The following LUZP2 variants were observed in gnomAD, a reference collection of about 807,000 sequenced individuals.
LUZP2 encodes leucine zipper protein 2.
LUZP2 carries 52 observed loss-of-function variants against 51.6 expected under a neutral mutation model. The ratio of observed to expected loss-of-function variants is 1.01; its 90% confidence interval spans 0.81 to 1.27. The LOEUF is 1.27. Ranked by LOEUF, LUZP2 falls within the 50% of genes most tolerant of loss-of-function variation. The pLI, the probability that LUZP2 is intolerant of heterozygous loss-of-function variation, is 0.00. For missense variants in LUZP2, 436 were observed against 395.4 expected (o/e 1.10, Z -0.87); for synonymous variants, 154 against 137.3 (o/e 1.12, Z -0.85).
chr11:24,963,250 C>T (rs1009431232), intron 7 of LUZP2, among the ~76,000 whole-genome samples: 9 of 152,212 alleles, frequency 5.9e-5, no homozygotes, highest in Non-Finnish European at 1.2e-4. Flanking sequence ...TGCCGGTTCT[C>T]AGATCTCCAG....
rs893561935 is a variant in LUZP2 at position 25,078,863 on chromosome 11, T to G, written c.*205T>G. On this transcript the variant is annotated 3_prime_UTR_variant, in exon 12 of 12. Transcript: ENST00000336930. The stretch of plus-strand genomic sequence containing the variant: ...ACCTCATTGAATTGAATACCCACAG[T>G]CAGAAATATTTTGTTGTCAACAGTA... The G allele has an allele frequency of 6.2e-6, 3 of 484,856 alleles. No individual in the cohort carries two copies. Among genetic ancestry groups the G allele is most frequent in the African/African-American group, 2.0e-5 (1 of 49,374 alleles). 30.0% of individuals were successfully genotyped at this position (484,856 alleles called of 1,614,324 possible). A position where few individuals can be genotyped will look rare whatever the true frequency, so the allele number is the denominator to read the frequency against.
At chr11:24,566,809 T>C (rs1243861275) in intron 1 of LUZP2, among the ~76,000 whole-genome samples, 3 of 142,970 alleles carry the variant, frequency 2.1e-5, no homozygotes, top group Non-Finnish European at 3.1e-5. Flanking sequence ...TACATATTTA[T>C]ATATAACTTA....
intron 10 of LUZP2, among the ~76,000 whole-genome samples, chr11:25,063,557 A>G (rs1324226120): frequency 6.6e-6 from 1 of 151,814 alleles, no homozygotes; most frequent in African/African-American, 2.4e-5. Flanking sequence ...TATAAGAAAA[A>G]TAGTTTATCA....
Position 24,604,186 on chromosome 11 carries a change from A to G in LUZP2, c.62+106881A>G, listed in dbSNP as rs142482391. 9.2e-3 allele frequency among the ~76,000 whole-genome samples: 1,399 copies of G among 151,960 alleles called. 18 individuals are homozygous for G. Among genetic ancestry groups the G allele is most frequent in the Non-Finnish European group, 0.011 (722 of 67,784 alleles). On this transcript the variant is annotated intron_variant, in intron 1 of 11. Transcript: ENST00000336930. ...ATTTTCTGCCATATCTTAACAGTGT[A>G]GTCTGCTTTTTTACTAAAATGTGAG...
intron 1 of LUZP2, among the ~76,000 whole-genome samples, chr11:24,632,562 G>A (rs1223594708): frequency 1.3e-5 from 2 of 151,926 alleles, no homozygotes; most frequent in Non-Finnish European, 2.9e-5. Context: ...GGCAACCACA[G>A]AATTTTTCTT....
intron 7 of LUZP2, among the ~76,000 whole-genome samples, chr11:24,961,872 G>T (rs573259599): frequency 6.6e-6 from 1 of 151,570 alleles, no homozygotes; most frequent in East Asian, 1.9e-4. Context: ...GCATGATTTT[G>T]CAGTGGCTGG....
rs139691101 is a variant in LUZP2 at position 24,682,005 on chromosome 11, T to C, written c.63-47164T>C. On this transcript the variant is annotated intron_variant, in intron 1 of 11. Coordinates refer to ENST00000336930, the MANE Select transcript of LUZP2 (RefSeq NM_001009909.4). ...GAAGAGTTCTTATACTATCACAAAT[T>C]ATTTCCATTGATTTTCCTTATCTAC... is the stretch of plus-strand genomic sequence containing the variant. Among the ~76,000 whole-genome samples the C allele has an allele frequency of 1.5e-4, 23 of 152,352 alleles. No homozygotes were observed. In the East Asian group the frequency reaches 4.2e-3, roughly 28 times the overall value.
intron 1 of LUZP2, among the ~76,000 whole-genome samples, chr11:24,568,667 A>C (rs942389044): frequency 6.6e-6 from 1 of 151,966 alleles, no homozygotes; most frequent in Non-Finnish European, 1.5e-5. Flanking sequence ...GACGAAAAGT[A>C]TTACTCAAGC....
intron 1 of LUZP2, among the ~76,000 whole-genome samples, chr11:24,606,693 A>G (rs1013223022): frequency 2.0e-5 from 3 of 152,048 alleles, no homozygotes; most frequent in Non-Finnish European, 4.4e-5. Context: ...ACATCATATA[A>G]TAGTTGTATT....
intron 1 of LUZP2, among the ~76,000 whole-genome samples, chr11:24,548,647 A>C (rs1276386549): frequency 6.6e-6 from 1 of 152,028 alleles, no homozygotes; most frequent in African/African-American, 2.4e-5. Flanking sequence ...GTCAAACTCC[A>C]GTGACACACA....
intron 1 of LUZP2, among the ~76,000 whole-genome samples, chr11:24,540,278 A>T (rs972146304): frequency 6.6e-6 from 1 of 152,090 alleles, no homozygotes; most frequent in African/African-American, 2.4e-5. Flanking sequence ...AATGTTTGTT[A>T]TGTCTCTCCC....
intron 1 of LUZP2, among the ~76,000 whole-genome samples, chr11:24,637,043 A>T (rs1394809914): frequency 6.6e-6 from 1 of 151,758 alleles, no homozygotes; most frequent in Non-Finnish European, 1.5e-5. Flanking sequence ...AAAAAGGGAA[A>T]ATCTTGATGT....
chr11:24,659,101 G>T (rs1211477990), intron 1 of LUZP2, among the ~76,000 whole-genome samples: 1 of 152,134 alleles, frequency 6.6e-6, no homozygotes, highest in Non-Finnish European at 1.5e-5. Context: ...AAATCATGCT[G>T]CTATAAAGAC....
chr11:24,650,701 G>A (rs576107930), intron 1 of LUZP2, among the ~76,000 whole-genome samples: 11 of 152,072 alleles, frequency 7.2e-5, no homozygotes, highest in African/African-American at 1.2e-4. Context: ...GTGAGATTTC[G>A]ATCTAACAAA....
At chr11:24,710,198 A>G (rs1388880026) in intron 1 of LUZP2, among the ~76,000 whole-genome samples, 3 of 152,104 alleles carry the variant, frequency 2.0e-5, no homozygotes, top group Admixed American at 1.3e-4. Flanking sequence ...ATTAACATAA[A>G]TGAGAGGTGG....
rs1044577519 is a variant in LUZP2, at chr11:24,721,504, A to T, written c.63-7665A>T. ...GAATAGGTTTTTAATTCTTGATAAT[A>T]AATTAGGATATAGAAGAAAAACTAC... is the stretch of plus-strand genomic sequence containing the variant. On this transcript the variant is annotated intron_variant, in intron 1 of 11. Transcript: ENST00000336930. Among the ~76,000 whole-genome samples, 6 of 152,286 alleles carry T rather than the reference A, an allele frequency of 3.9e-5. No homozygotes were observed. The East Asian group carries it at 7.7e-4, about 20-fold the overall frequency.
At chr11:24,578,818 G>T (rs1287373444) in intron 1 of LUZP2, among the ~76,000 whole-genome samples, 1 of 151,898 alleles carries the variant, frequency 6.6e-6, no homozygotes, top group African/African-American at 2.4e-5. Flanking sequence ...CTAACTATTG[G>T]GTACTATGCT....
At chr11:24,709,511 T>G (rs574499344) in intron 1 of LUZP2, among the ~76,000 whole-genome samples, 14 of 152,248 alleles carry the variant, frequency 9.2e-5, no homozygotes, top group African/African-American at 3.4e-4. Flanking sequence ...CAGATACAAT[T>G]TCTGGCAATT....
intron 1 of LUZP2, among the ~76,000 whole-genome samples, chr11:24,591,062 T>A (rs1324455307): frequency 6.6e-6 from 1 of 152,000 alleles, no homozygotes; most frequent in Non-Finnish European, 1.5e-5. Flanking sequence ...TGAGCTATAA[T>A]TGTGCTACTG....
Sources: allele counts gnomAD v4.1 joint callset (sites outside exome capture counted in the v4.1 genomes callset), GRCh38; gene constraint gnomAD v4.1.1; transcripts MANE v1.5; gene names NCBI Gene and HGNC (gene_info 2026-07-23, HGNC 2026-07-21).